SYCP2: variants seen among roughly 807,000 people sequenced by gnomAD.
SYCP2 encodes the protein synaptonemal complex lateral element protein.
Under a neutral mutation model 211.3 loss-of-function variants are expected in SYCP2, and 55 were observed. The ratio of observed to expected loss-of-function variants is 0.26; its 90% CI spans 0.21 to 0.33. The LOEUF (loss-of-function observed/expected upper bound fraction) is 0.33. Ranked by LOEUF, SYCP2 falls within the 10% of genes least tolerant of loss-of-function variation. The pLI, the probability that SYCP2 is intolerant of heterozygous loss-of-function variation, is 1.00. For synonymous variants in SYCP2, 570 were observed against 555.2 expected (o/e 1.03, Z -0.37); for missense variants, 1,731 against 1,752.0 (o/e 0.99, Z 0.21).
chr20:59,881,495 A>G lies in SYCP2; in HGVS notation c.2659-3T>C, dbSNP rs200875801. 10 of 1,459,076 alleles carry G rather than the reference A, an allele frequency of 6.9e-6. No homozygotes were observed. The African/African-American group carries it at 7.3e-5, about 11-fold the overall frequency. 90.4% of individuals were successfully genotyped at this position (1,459,076 alleles called of 1,614,324 possible). ...GCTGTAGCTTGAAACTCTTGGATCT[A>G]TATTGTAAATAAACAAAAAAAAAGA... On this transcript the variant is annotated splice_polypyrimidine_tract_variant and splice_region_variant and intron_variant, in intron 28 of 44. Coordinates refer to ENST00000357552, the MANE Select transcript of SYCP2 (RefSeq NM_014258.4).
chr20:59,893,605 G>A lies in SYCP2; in HGVS notation c.1666-12C>T, dbSNP rs1446563571. On this transcript the variant is annotated splice_polypyrimidine_tract_variant and intron_variant, in intron 20 of 44. Transcript: ENST00000357552. ...GCAGTTTTGATATGCTGTAAACACA[G>A]GAAACAGGTTAACGTAAACTTAAGA... The A allele has an allele frequency of 6.3e-7, 1 of 1,593,420 alleles. No individual in the cohort carries two copies. Among genetic ancestry groups the A allele is most frequent in the East Asian group, 2.2e-5 (1 of 44,512 alleles).
At chr20:59,871,466 G>C (rs2059450246) in intron 35 of SYCP2, among the ~76,000 whole-genome samples, 1 of 151,900 alleles carries the variant, frequency 6.6e-6, no homozygotes, top group African/African-American at 2.4e-5. Context: ...AATGTCTCAT[G>C]AGTGTCCAGC....
At chr20:59,882,663 G>GA (rs1242745475) in intron 26 of SYCP2, among the ~76,000 whole-genome samples, 1 of 152,090 alleles carries the variant, frequency 6.6e-6, no homozygotes, top group Non-Finnish European at 1.5e-5. Flanking sequence ...AAAGTAAAGT[G>GA]AAATAAGCCA....
chr20:59,908,324 C>T (rs563281169), intron 14 of SYCP2, among the ~76,000 whole-genome samples: 7 of 152,186 alleles, frequency 4.6e-5, no homozygotes, highest in South Asian at 2.1e-4. Context: ...AACTCATTCC[C>T]GAGAACTTCC....
intron 15 of SYCP2, 89 bp from the exon 16 acceptor site, chr20:59,901,899 T>C: frequency 9.2e-7 from 1 of 1,084,090 alleles, no homozygotes; most frequent in South Asian, 2.2e-5. Context: ...AGCAGATTAA[T>C]TGAATCAAAA....
chr20:59,905,046 A>C (rs1351434624), intron 15 of SYCP2, among the ~76,000 whole-genome samples: 2 of 152,190 alleles, frequency 1.3e-5, no homozygotes, highest in Non-Finnish European at 2.9e-5. Flanking sequence ...ATTTCTACTA[A>C]CATTGTACTG....
intron 17 of SYCP2, 56 bp downstream of exon 17, chr20:59,900,688 A>G: frequency 7.3e-7 from 1 of 1,366,156 alleles, no homozygotes; most frequent in Non-Finnish European, 1.0e-6. Flanking sequence ...TTACTGTTCC[A>G]TTAGTTATGG....
chr20:59,881,959 T>C lies in SYCP2; in HGVS notation c.2644A>G (p.Ile882Val), dbSNP rs2059692121. The C allele has an allele frequency of 6.2e-7, 1 of 1,612,326 alleles. No homozygotes were observed. Among genetic ancestry groups the C allele is most frequent in the South Asian group, 1.1e-5 (1 of 90,822 alleles). ...NFNLNGADDP[I>V]IKLGIQEFQA... is the part of the protein sequence containing the mutation. The stretch of plus-strand genomic sequence containing the variant: ...TTTTAGCTTACTCCAAGTTTTATGA[T>C]AGGGTCATCAGCTCCATTCAAATTA... Residue 882 changes from isoleucine to valine, a missense_variant, in exon 28 of 45, where the codon ATC (isoleucine) becomes GTC (valine). This residue lies in a region of SYCP2 where 1,387 missense variants were observed against 1,351.3 expected (regional missense o/e 1.03). Transcript: ENST00000357552.
Position 59,907,388 on chromosome 20 carries a change from T to C in SYCP2, c.1009A>G (p.Lys337Glu), listed in dbSNP as rs752920084. 9 of 1,611,230 alleles carry C rather than the reference T, an allele frequency of 5.6e-6. No homozygotes were observed. The highest frequency in any genetic ancestry group is 2.2e-5 in the South Asian group (2 of 90,536). ...CCTTCAATGCTGTATATTTGTACTT[T>C]TTCCTCTGGCACAGTAACTGCTTCC... ...QWEAVTVPEE[K>E]VQIYSIEVRE... is the part of the protein sequence containing the mutation. The change falls in exon 15 of 45, where the codon AAA becomes GAA. Residue 337 changes from lysine to glutamate, a missense_variant. By Grantham distance (56) the Lys-to-Glu change is moderately conservative. Transcript: ENST00000357552.
At position 59,905,588 on chromosome 20, in the gene SYCP2, C is replaced by A. The variant is rs146100166; in HGVS notation, c.1033+1776G>T. On this transcript the variant is annotated intron_variant, in intron 15 of 44. Transcript: ENST00000357552. Reference sequence around the variant, plus strand: ...GTATCAAAGAAAACATCAGTAATTGCCTGGGGGTAGAGTACAAGGATGGAT... The same window carrying A: ...GTATCAAAGAAAACATCAGTAATTGACTGGGGGTAGAGTACAAGGATGGAT... Among the ~76,000 whole-genome samples the A allele has an allele frequency of 3.4e-3, 524 of 151,994 alleles. 2 individuals are homozygous for A. The highest frequency in any genetic ancestry group is 0.011 in the African/African-American group (449 of 41,452).
intron 15 of SYCP2, among the ~76,000 whole-genome samples, chr20:59,902,070 T>C (rs2060125660): frequency 6.6e-6 from 1 of 152,138 alleles, no homozygotes; most frequent in South Asian, 2.1e-4. Context: ...AAATACATTC[T>C]GGACTCTAAC....
chr20:59,908,091 A>G (rs1040127324), intron 14 of SYCP2, among the ~76,000 whole-genome samples: 1 of 150,086 alleles, frequency 6.7e-6, no homozygotes, highest in African/African-American at 2.5e-5. Context: ...CTAAAAATAC[A>G]AAAAAAAATT....
At chr20:59,909,865 T>C (rs144603775) in intron 14 of SYCP2, among the ~76,000 whole-genome samples, 83 of 152,276 alleles carry the variant, frequency 5.5e-4, no homozygotes, top group African/African-American at 1.9e-3. Context: ...AATAATGTGG[T>C]TGTGAGGCTA....
chr20:59,916,796 G>T (rs2060451560), intron 7 of SYCP2, among the ~76,000 whole-genome samples: 1 of 152,068 alleles, frequency 6.6e-6, no homozygotes, highest in South Asian at 2.1e-4. Flanking sequence ...CCGGGCACCT[G>T]TAATCCCAGC....
chr20:59,874,843 G>T (rs2059522855), intron 34 of SYCP2, among the ~76,000 whole-genome samples: 3 of 151,898 alleles, frequency 2.0e-5, no homozygotes. Context: ...ACTGTATACG[G>T]TATTAATCCA....
intron 39 of SYCP2, 55 bp from the exon 40 acceptor site, chr20:59,866,644 A>G: frequency 8.7e-7 from 1 of 1,143,728 alleles, no homozygotes; most frequent in Non-Finnish European, 1.2e-6. Flanking sequence ...CACTCTAACC[A>G]AGACTACAGT....
At chr20:59,921,242 T>C (rs973474929) in intron 4 of SYCP2, 68 bp downstream of exon 4, 11 of 1,368,890 alleles carry the variant, frequency 8.0e-6, no homozygotes, top group South Asian at 2.9e-5. Flanking sequence ...TCTAATGGAG[T>C]ACTTCCTTCT....
Position 59,900,136 on chromosome 20 carries a change from A to T in SYCP2, c.1404+2T>A, listed in dbSNP as rs750588952. ...AAGCCAGTATTTTGACACCATCTTT[A>T]CCTCAAGCTGACTATTATTTCTATT... On this transcript the variant is annotated splice_donor_variant, in intron 18 of 44. Coordinates refer to ENST00000357552, the MANE Select transcript of SYCP2 (RefSeq NM_014258.4). LOFTEE classifies it high-confidence loss of function. 6.2e-7 allele frequency: 1 copy of T among 1,612,794 alleles called. No individual in the cohort carries two copies. The highest frequency in any genetic ancestry group is 2.2e-5 in the East Asian group (1 of 44,784).
intron 10 of SYCP2, 37 bp downstream of exon 10, chr20:59,915,128 T>A (rs774402598): frequency 9.1e-6 from 12 of 1,321,474 alleles, no homozygotes; most frequent in Non-Finnish European, 3.3e-6. Context: ...TATTCATAAA[T>A]ATGGAATAAT....
Sources: allele counts gnomAD v4.1 joint callset (sites outside exome capture counted in the v4.1 genomes callset), GRCh38; gene constraint gnomAD v4.1.1; regional missense constraint gnomAD v4.1.1; transcripts MANE v1.5; gene names NCBI Gene and HGNC (gene_info 2026-07-23, HGNC 2026-07-21).